Variants in HERC3 observed in about 807,000 individuals in gnomAD.
HERC3 encodes the protein probable E3 ubiquitin-protein ligase HERC3.
A neutral mutation model predicts 129.9 loss-of-function variants in HERC3; 58 were observed. The ratio of observed to expected loss-of-function variants is 0.45; its 90% CI spans 0.36 to 0.56. The LOEUF is 0.56. Ranked by LOEUF, HERC3 falls within the 20% of genes least tolerant of loss-of-function variation. The pLI is 0.00. For synonymous variants in HERC3, 430 were observed against 451.0 expected (o/e 0.95, Z 0.59); for missense variants, 835 against 1,244.2 (o/e 0.67, Z 4.95).
At chr4:88,689,695 G>A (rs114079117) in intron 23 of HERC3, among the ~76,000 whole-genome samples, 2,107 of 151,308 alleles carry the variant, frequency 0.014, 52 homozygotes, top group African/African-American at 0.048. Context: ...CTTCTGCCTC[G>A]GCCTCCCGCA....
chr4:88,613,908 G>A (rs1365264521), intron 3 of HERC3, among the ~76,000 whole-genome samples: 1 of 152,052 alleles, frequency 6.6e-6, no homozygotes, highest in African/African-American at 2.4e-5. Context: ...GAGGTCTAAG[G>A]ATCAGGAGAA....
intron 21 of HERC3, among the ~76,000 whole-genome samples, chr4:88,685,349 A>G (rs547669674): frequency 3.9e-5 from 6 of 152,356 alleles, no homozygotes; most frequent in African/African-American, 1.4e-4. Context: ...AATCAACCCA[A>G]ATGCCCATCA....
chr4:88,558,053 G>A, the HERC3 span, among the ~76,000 whole-genome samples: 4 of 122,694 alleles, frequency 3.3e-5, no homozygotes, highest in South Asian at 2.9e-4. Flanking sequence ...CCTGGGCAAC[G>A]AGAGCGAGAC....
At chr4:88,579,821 G>A in the HERC3 span, among the ~76,000 whole-genome samples, 1 of 152,138 alleles carries the variant, frequency 6.6e-6, no homozygotes, top group African/African-American at 2.4e-5. Flanking sequence ...GTAATCACCA[G>A]GGTCTTTACA....
intron 3 of HERC3, among the ~76,000 whole-genome samples, chr4:88,632,260 A>G (rs61579541): frequency 6.6e-6 from 1 of 152,252 alleles, no homozygotes; most frequent in African/African-American, 2.4e-5. Context: ...CAGACTGGCC[A>G]CTCTGTGGTG....
intron 3 of HERC3, among the ~76,000 whole-genome samples, chr4:88,637,534 T>C (rs1262543694): frequency 6.6e-6 from 1 of 152,206 alleles, no homozygotes; most frequent in Non-Finnish European, 1.5e-5. Flanking sequence ...CAAGAAGTTA[T>C]TTGAAACCAA....
chr4:88,601,005 A>G (rs1722906137), intron 2 of HERC3, among the ~76,000 whole-genome samples: 1 of 152,244 alleles, frequency 6.6e-6, no homozygotes, highest in Non-Finnish European at 1.5e-5. Context: ...CTATTAGTGT[A>G]TCATTAGACC....
intron 14 of HERC3, chr4:88,668,411 A>T (rs1731263768): frequency 3.7e-6 from 1 of 267,490 alleles, no homozygotes; most frequent in Non-Finnish European, 7.1e-6. Flanking sequence ...TCTTTCTCCT[A>T]TGTCTAATTT....
At chr4:88,568,855 T>C in the HERC3 span, among the ~76,000 whole-genome samples, 24 of 151,990 alleles carry the variant, frequency 1.6e-4, no homozygotes, top group Admixed American at 2.0e-4. Context: ...AAGTCCTATC[T>C]ACTCTCCCTT....
chr4:88,678,083 C>T lies in HERC3; in HGVS notation c.2145C>T (p.Ala715=), dbSNP rs1447917280. The T allele has an allele frequency of 3.7e-6, 6 of 1,613,762 alleles. No individual in the cohort carries two copies. The highest frequency in any genetic ancestry group is 1.3e-5 in the African/African-American group (1 of 74,876). Residue 715 remains alanine (A), a synonymous_variant, in exon 19 of 26, where the codon GCC becomes GCT. Transcript: ENST00000402738. Reference sequence around the variant, plus strand: ...GCAGGAACAACCTTGTTGGAGATGCCCTAAGAGAGCTGAGCATTCATTCTG... The same window carrying T: ...GCAGGAACAACCTTGTTGGAGATGCTCTAAGAGAGCTGAGCATTCATTCTG... ...HVRRNNLVGD[A]LRELSIHSDI...
intron 16 of HERC3, among the ~76,000 whole-genome samples, chr4:88,673,182 GATAAAGCTCGAC>G (rs1403883653): frequency 6.6e-6 from 1 of 152,168 alleles, no homozygotes; most frequent in Non-Finnish European, 1.5e-5. Context: ...ATAAAAGCTA[GATAAAGCTCGAC>G]ATCTTGCTGT....
the HERC3 span, among the ~76,000 whole-genome samples, chr4:88,584,784 C>G: frequency 6.6e-6 from 1 of 152,286 alleles, no homozygotes; most frequent in East Asian, 1.9e-4. Flanking sequence ...AGTTTCTGTT[C>G]ATTATAAATT....
chr4:88,598,334 C>A (rs1427441777), intron 2 of HERC3, among the ~76,000 whole-genome samples: 1 of 152,102 alleles, frequency 6.6e-6, no homozygotes. Context: ...CGCCCTCCAC[C>A]CATGCCCTCT....
At chr4:88,647,996 T>G (rs28482352) in intron 3 of HERC3, among the ~76,000 whole-genome samples, 7,078 of 152,260 alleles carry the variant, frequency 0.046, 211 homozygotes, top group Middle Eastern at 0.12. Flanking sequence ...CCCAAAGAGT[T>G]AATCTTTTAA....
chr4:88,668,110 T>G, intron 14 of HERC3, 29 bp downstream of exon 14: 1 of 1,565,242 alleles, frequency 6.4e-7, no homozygotes, highest in East Asian at 2.2e-5. Flanking sequence ...ATATCAGTGG[T>G]TTTATGGTCA....
intron 18 of HERC3, 131 bp from the exon 19 acceptor site, chr4:88,677,833 G>T: frequency 1.4e-6 from 1 of 698,380 alleles, no homozygotes; most frequent in East Asian, 2.7e-5. Flanking sequence ...AAAATCTGTG[G>T]AAGTTAAGAG....
chr4:88,548,553 TTTATTATTGAGTTCTAAGAG>T, the HERC3 span, among the ~76,000 whole-genome samples: 1 of 152,292 alleles, frequency 6.6e-6, no homozygotes, highest in South Asian at 2.1e-4. Context: ...GGGTTGTCTT[TTTATTATTGAGTTCTAAGAG>T]TTATTATTGA....
rs765651933 is a variant in HERC3 at position 88,667,875 on chromosome 4, T to C, written c.1444-17T>C. 9 of 1,578,664 alleles carry C rather than the reference T, an allele frequency of 5.7e-6. No individual in the cohort carries two copies. Among genetic ancestry groups the C allele is most frequent in the South Asian group, 4.5e-5 (4 of 88,748 alleles). On this transcript the variant is annotated splice_polypyrimidine_tract_variant and intron_variant, in intron 13 of 25. Transcript: ENST00000402738. The stretch of plus-strand genomic sequence containing the variant: ...CAAGTATGTTTGAATTTCTCATTAC[T>C]CTTTTCCCTCATACAGATTTTGAAC...
intron 23 of HERC3, among the ~76,000 whole-genome samples, chr4:88,694,876 T>C (rs1396153029): frequency 6.6e-6 from 1 of 152,210 alleles, no homozygotes; most frequent in East Asian, 1.9e-4. Context: ...TTAGTGCCTA[T>C]AAATGGTTAT....
Sources: allele counts gnomAD v4.1 joint callset (sites outside exome capture counted in the v4.1 genomes callset), GRCh38; gene constraint gnomAD v4.1.1; transcripts MANE v1.5; gene names NCBI Gene and HGNC (gene_info 2026-07-23, HGNC 2026-07-21).